Variants in KCNMB2 observed in about 807,000 individuals in gnomAD.
The protein encoded by KCNMB2 is potassium calcium-activated channel subfamily M regulatory beta subunit 2, also known as calcium-activated potassium channel subunit beta-2.
In KCNMB2, 9 loss-of-function variants were observed where a neutral mutation model predicts 24.5. That is an observed-to-expected ratio of 0.37 (90% CI 0.22 to 0.64). KCNMB2 has a LOEUF of 0.64. Among genes scored for constraint, KCNMB2 ranks in the 30% least tolerant of loss-of-function variants. The pLI, the probability that KCNMB2 is intolerant of heterozygous loss-of-function variation, is 0.63. For missense variants in KCNMB2, 226 were observed against 284.3 expected (o/e 0.79, Z 1.47); for synonymous variants, 109 against 104.4 (o/e 1.04, Z -0.27).
intron 2 of KCNMB2, among the ~76,000 whole-genome samples, chr3:178,811,686 C>G (rs1714199862): frequency 1.3e-5 from 2 of 152,134 alleles, no homozygotes; most frequent in African/African-American, 4.8e-5. Flanking sequence ...CTACATGTCT[C>G]TTTGTGCACA....
chr3:178,715,177 T>A (rs542308775), intron 1 of KCNMB2, among the ~76,000 whole-genome samples: 9 of 152,300 alleles, frequency 5.9e-5, no homozygotes, highest in South Asian at 2.1e-4. Flanking sequence ...CAATGTGGGC[T>A]GATTATTGCC....
At chr3:178,633,488 C>T (rs1400635499) in intron 1 of KCNMB2, among the ~76,000 whole-genome samples, 1 of 152,240 alleles carries the variant, frequency 6.6e-6, no homozygotes, top group Non-Finnish European at 1.5e-5. Flanking sequence ...GGCTCACACC[C>T]TCTGAAGCCA....
At chr3:178,769,086 T>A (rs149845446) in intron 1 of KCNMB2, among the ~76,000 whole-genome samples, 3 of 152,240 alleles carry the variant, frequency 2.0e-5, no homozygotes, top group Non-Finnish European at 4.4e-5. Context: ...CACCTGCCAC[T>A]TGAAGTGCAA....
At chr3:178,772,493 T>C (rs1010764772) in intron 1 of KCNMB2, among the ~76,000 whole-genome samples, 1 of 152,200 alleles carries the variant, frequency 6.6e-6, no homozygotes, top group Non-Finnish European at 1.5e-5. Flanking sequence ...ACAAGCTCTC[T>C]TGTCTTGTCT....
At chr3:178,711,812 G>A (rs1244634192) in intron 1 of KCNMB2, among the ~76,000 whole-genome samples, 4 of 152,204 alleles carry the variant, frequency 2.6e-5, no homozygotes, top group African/African-American at 9.6e-5. Context: ...ACTGGTTTTG[G>A]ATAAGATGAC....
intron 3 of KCNMB2, among the ~76,000 whole-genome samples, chr3:178,827,491 G>C (rs939296668): frequency 6.6e-6 from 1 of 152,164 alleles, no homozygotes; most frequent in African/African-American, 2.4e-5. Flanking sequence ...CTTTTAAAAA[G>C]AAATTACTAC....
chr3:178,620,619 T>G (rs1284810910), intron 1 of KCNMB2, among the ~76,000 whole-genome samples: 1 of 152,186 alleles, frequency 6.6e-6, no homozygotes, highest in African/African-American at 2.4e-5. Context: ...TAAGCACTCA[T>G]GACCTAACCA....
At chr3:178,841,657 A>G (rs1715433614) in intron 4 of KCNMB2, 1 of 152,202 alleles carries the variant, frequency 6.6e-6, no homozygotes, top group South Asian at 2.1e-4. Context: ...ATGAGAGAAG[A>G]ACTGTCAAAC....
intron 1 of KCNMB2, among the ~76,000 whole-genome samples, chr3:178,678,596 C>T (rs1351566642): frequency 3.3e-5 from 5 of 152,206 alleles, no homozygotes; most frequent in South Asian, 4.1e-4. Flanking sequence ...ACCTCATTTC[C>T]GACATAGTCC....
chr3:178,658,053 T>C (rs1720404566), intron 1 of KCNMB2, among the ~76,000 whole-genome samples: 1 of 152,250 alleles, frequency 6.6e-6, no homozygotes, highest in South Asian at 2.1e-4. Flanking sequence ...CTCAAGTATC[T>C]GACTTTGATC....
intron 1 of KCNMB2, among the ~76,000 whole-genome samples, chr3:178,793,453 T>C (rs1438398958): frequency 1.3e-5 from 2 of 150,874 alleles, no homozygotes; most frequent in African/African-American, 4.8e-5. Context: ...AAAGCTGGAC[T>C]ACAGTGATGG....
At chr3:178,568,556 T>C (rs569113145) in intron 1 of KCNMB2, among the ~76,000 whole-genome samples, 3 of 152,202 alleles carry the variant, frequency 2.0e-5, no homozygotes, top group East Asian at 3.9e-4. Flanking sequence ...CATGCTATAA[T>C]CATGGGGATA....
chr3:178,828,868 A>T (rs1714941052), intron 4 of KCNMB2, among the ~76,000 whole-genome samples: 1 of 151,856 alleles, frequency 6.6e-6, no homozygotes, highest in Non-Finnish European at 1.5e-5. Context: ...CCTTATGAAG[A>T]TGAGTCCTGA....
chr3:178,642,853 G>A (rs889113573), intron 1 of KCNMB2, among the ~76,000 whole-genome samples: 1 of 152,144 alleles, frequency 6.6e-6, no homozygotes, highest in Non-Finnish European at 1.5e-5. Context: ...GTCATTTAAG[G>A]GGATTCATGG....
At chr3:178,609,698 G>A (rs1301629404) in intron 1 of KCNMB2, among the ~76,000 whole-genome samples, 2 of 151,052 alleles carry the variant, frequency 1.3e-5, no homozygotes, top group Non-Finnish European at 2.9e-5. Flanking sequence ...GTGCAGTGGT[G>A]CCATCTTGGC....
chr3:178,680,515 A>G (rs2108593615), intron 1 of KCNMB2, among the ~76,000 whole-genome samples: 1 of 152,324 alleles, frequency 6.6e-6, no homozygotes, highest in East Asian at 1.9e-4. Context: ...GACACAGCTA[A>G]AACTCTTTAT....
intron 1 of KCNMB2, among the ~76,000 whole-genome samples, chr3:178,683,372 C>G (rs1721341999): frequency 6.6e-6 from 1 of 151,604 alleles, no homozygotes; most frequent in East Asian, 1.9e-4. Flanking sequence ...AACTGTTGGG[C>G]ACTATGCTCA....
intron 1 of KCNMB2, among the ~76,000 whole-genome samples, chr3:178,755,905 T>G (rs1166107899): frequency 6.6e-6 from 1 of 152,106 alleles, no homozygotes. Context: ...ATGCCAGATA[T>G]AGAATGAGAA....
At chr3:178,724,630 G>C (rs1276569335) in intron 1 of KCNMB2, among the ~76,000 whole-genome samples, 1 of 152,100 alleles carries the variant, frequency 6.6e-6, no homozygotes, top group African/African-American at 2.4e-5. Context: ...GATTTTTATA[G>C]TTTAAGGTCT....
Sources: allele counts gnomAD v4.1 joint callset (sites outside exome capture counted in the v4.1 genomes callset), GRCh38; gene constraint gnomAD v4.1.1; transcripts MANE v1.5; gene names NCBI Gene and HGNC (gene_info 2026-07-23, HGNC 2026-07-21).